Variants in TNR observed in about 807,000 individuals in gnomAD.
The protein encoded by TNR is tenascin-R.
TNR carries 45 observed loss-of-function variants against 150.4 expected under a neutral mutation model. That is an observed-to-expected ratio of 0.30 (90% CI 0.24 to 0.38). The LOEUF is 0.38. TNR is among the 10% of genes least tolerant of loss of function. The probability of loss-of-function intolerance (pLI) is 1.00; values close to 1 mark genes in which losing one functional copy is unlikely to be tolerated. For synonymous variants in TNR, 687 were observed against 678.4 expected, an observed-to-expected ratio of 1.01 and a Z score of -0.20; for missense variants, 1,544 against 1,759.1, an observed-to-expected ratio of 0.88 and a Z score of 2.19.
intron 1 of TNR, among the ~76,000 whole-genome samples, chr1:175,704,437 C>T (rs1479930718): frequency 6.6e-6 from 1 of 152,052 alleles, no homozygotes; most frequent in Admixed American, 6.6e-5. Context: ...GGGGCATCTG[C>T]CTAGAGAAGG....
chr1:175,633,642 G>A (rs1395785802), intron 1 of TNR, among the ~76,000 whole-genome samples: 1 of 152,106 alleles, frequency 6.6e-6, no homozygotes, highest in Non-Finnish European at 1.5e-5. Flanking sequence ...ATAAAAATTA[G>A]GGAAGTGGTG....
chr1:175,600,571 G>A (rs139516986), intron 1 of TNR, among the ~76,000 whole-genome samples: 41 of 152,322 alleles, frequency 2.7e-4, no homozygotes, highest in African/African-American at 9.1e-4. Context: ...GGGTTTGCAC[G>A]TAAAGATAGG....
chr1:175,331,607 C>A (rs190239524), intron 20 of TNR, among the ~76,000 whole-genome samples: 4 of 152,124 alleles, frequency 2.6e-5, no homozygotes, highest in African/African-American at 9.7e-5. Flanking sequence ...TCATGATTAG[C>A]CATGCCCTGG....
At chr1:175,340,436 T>G (rs965928395) in intron 18 of TNR, among the ~76,000 whole-genome samples, 1 of 152,234 alleles carries the variant, frequency 6.6e-6, no homozygotes, top group Non-Finnish European at 1.5e-5. Flanking sequence ...CTTCGGAACT[T>G]GGAGAAGACC....
chr1:175,722,821 T>C (rs989160791), intron 1 of TNR, among the ~76,000 whole-genome samples: 4 of 149,920 alleles, frequency 2.7e-5, no homozygotes, highest in Non-Finnish European at 4.4e-5. Flanking sequence ...AGACAGAGTC[T>C]TACTCTGTCG....
chr1:175,646,779 C>T (rs1664822316), intron 1 of TNR, among the ~76,000 whole-genome samples: 1 of 152,202 alleles, frequency 6.6e-6, no homozygotes, highest in Non-Finnish European at 1.5e-5. Context: ...CCATTCTGCC[C>T]AAGGTTCCAC....
At position 175,470,653 on chromosome 1, in the gene TNR, C is replaced by A. The variant is rs988829742; in HGVS notation, c.-64+57616G>T. Among the ~76,000 whole-genome samples, 43 of 152,106 alleles carry A rather than the reference C, an allele frequency of 2.8e-4. 2 individuals carry two copies. Among genetic ancestry groups the A allele is most frequent in the Admixed American group, 2.8e-3 (42 of 15,258 alleles). On this transcript the variant is annotated intron_variant, in intron 2 of 22. Coordinates refer to ENST00000367674, the MANE Select transcript of TNR (RefSeq NM_003285.3). ...CAAACATTCTCTGAGTTGCAAAAAA[C>A]CCAAGTACATTCTTTAAGTTATTTA...
chr1:175,359,133 T>A (rs75362381), intron 15 of TNR, among the ~76,000 whole-genome samples: 1 of 137,036 alleles, frequency 7.3e-6, no homozygotes, highest in Admixed American at 8.0e-5. Context: ...AGTTTGGGGA[T>A]ATCTTCTTTT....
chr1:175,560,576 C>A (rs1221070632), intron 1 of TNR, among the ~76,000 whole-genome samples: 1 of 152,208 alleles, frequency 6.6e-6, no homozygotes, highest in Non-Finnish European at 1.5e-5. Context: ...TCTCAGTGAA[C>A]CCATGCTAGT....
At chr1:175,728,744 A>G (rs1168563443) in intron 1 of TNR, among the ~76,000 whole-genome samples, 9 of 152,216 alleles carry the variant, frequency 5.9e-5, no homozygotes. Flanking sequence ...ATGGCCTTTG[A>G]GGAAGCAACT....
At chr1:175,610,302 ACC>A (rs1380344495) in intron 1 of TNR, among the ~76,000 whole-genome samples, 3 of 152,206 alleles carry the variant, frequency 2.0e-5, no homozygotes, top group East Asian at 3.8e-4. Context: ...AACCACTGTT[ACC>A]CTGTGACTTA....
At chr1:175,437,672 G>A (rs574144793) in intron 2 of TNR, among the ~76,000 whole-genome samples, 5 of 152,034 alleles carry the variant, frequency 3.3e-5, no homozygotes, top group Middle Eastern at 3.4e-3. Flanking sequence ...TCAAATAGAC[G>A]CAATAAAAAA....
chr1:175,412,838 G>A (rs779635610), intron 2 of TNR, among the ~76,000 whole-genome samples: 2 of 152,152 alleles, frequency 1.3e-5, no homozygotes, highest in Non-Finnish European at 2.9e-5. Flanking sequence ...TGAAACTAAT[G>A]TTTATTAAAT....
At chr1:175,718,076 C>T (rs928461994) in intron 1 of TNR, among the ~76,000 whole-genome samples, 3 of 152,138 alleles carry the variant, frequency 2.0e-5, no homozygotes, top group East Asian at 1.9e-4. Context: ...TCCCTTTTGG[C>T]GCAGCCATCG....
chr1:175,358,258 G>A (rs575775267), intron 15 of TNR, among the ~76,000 whole-genome samples: 1 of 152,282 alleles, frequency 6.6e-6, no homozygotes, highest in East Asian at 1.9e-4. Flanking sequence ...TTCAGCTACA[G>A]TCCCAGCTAC....
chr1:175,360,050 T>C (rs1651521890), intron 14 of TNR, among the ~76,000 whole-genome samples: 1 of 152,220 alleles, frequency 6.6e-6, no homozygotes, highest in Non-Finnish European at 1.5e-5. Flanking sequence ...GAATGAATTT[T>C]CAACATTTAA....
intron 18 of TNR, among the ~76,000 whole-genome samples, chr1:175,338,233 G>T (rs1650342094): frequency 6.6e-6 from 1 of 152,168 alleles, no homozygotes; most frequent in South Asian, 2.1e-4. Context: ...TCTATTCCTT[G>T]TACAAAATAC....
At chr1:175,326,877 A>G (rs1375593025) in intron 21 of TNR, among the ~76,000 whole-genome samples, 4 of 152,080 alleles carry the variant, frequency 2.6e-5, no homozygotes, top group African/African-American at 9.7e-5. Flanking sequence ...TGTGTTAGCC[A>G]GGATGGTCTC....
intron 1 of TNR, among the ~76,000 whole-genome samples, chr1:175,556,184 C>T (rs935716834): frequency 3.9e-5 from 6 of 152,236 alleles, no homozygotes; most frequent in African/African-American, 7.2e-5. Flanking sequence ...GAAGGCCATC[C>T]TTTGGTTTTG....
Sources: gnomAD v4.1 joint callset for allele counts (sites outside exome capture counted in the v4.1 genomes callset) on GRCh38, gnomAD v4.1.1 for gene constraint, MANE v1.5 for transcripts, NCBI Gene and HGNC (gene_info 2026-07-23, HGNC 2026-07-21) for gene names.